NEB: variants seen among roughly 807,000 people sequenced by gnomAD.
NEB encodes the protein nemaline myopathy type 2.
A neutral mutation model predicts 952.2 loss-of-function variants in NEB; 512 were observed. The ratio of observed to expected loss-of-function variants is 0.54; its 90% CI spans 0.50 to 0.58. The LOEUF (loss-of-function observed/expected upper bound fraction) is 0.58. NEB is among the 20% of genes least tolerant of loss of function. The pLI is 0.00. For synonymous variants in NEB, 2,900 were observed against 3,149.8 expected, an observed-to-expected ratio of 0.92 and a Z score of 2.66; for missense variants, 8,428 against 9,231.1, an observed-to-expected ratio of 0.91 and a Z score of 3.56.
chr2:151,692,977 AAAG>A (rs1346391040), intron 20 of NEB, among the ~76,000 whole-genome samples: 1 of 152,170 alleles, frequency 6.6e-6, no homozygotes, highest in Non-Finnish European at 1.5e-5. Flanking sequence ...CTCAAAAAAC[AAAG>A]AAGGAAAGAA....
chr2:151,688,336 G>A lies in NEB; in HGVS notation c.2371C>T (p.Pro791Ser), dbSNP rs1420416924. 1 of 1,613,770 alleles carries A rather than the reference G, an allele frequency of 6.2e-7. No homozygotes were observed. Among genetic ancestry groups the A allele is most frequent in the Non-Finnish European group, 8.5e-7 (1 of 1,179,830 alleles). ...TTGACTCTGTGTTGGATAAACTGTGGAGCATCTGCTGGTATATGGCACTTG... is the reference window on the plus strand; with the variant it reads ...TTGACTCTGTGTTGGATAAACTGTGAAGCATCTGCTGGTATATGGCACTTG... Reference protein sequence around the residue: ...KFKCHIPADAPQFIQHRVNAY... With the variant: ...KFKCHIPADASQFIQHRVNAY... Residue 791 changes from proline (P) to serine (S), a missense_variant, in exon 25 of 182, where the codon CCA (proline) becomes TCA (serine). By Grantham distance (74) the Pro-to-Ser change is moderately conservative (BLOSUM62 -1). Coordinates refer to ENST00000397345, the MANE Select transcript of NEB (RefSeq NM_001164508.2).
chr2:151,571,505 C>G (rs549778793), intron 107 of NEB, among the ~76,000 whole-genome samples: 1 of 151,832 alleles, frequency 6.6e-6, no homozygotes, highest in East Asian at 1.9e-4. Flanking sequence ...AGTTTTGTAA[C>G]CTTCAGAATT....
chr2:151,640,444 C>A lies in NEB; in HGVS notation c.8596G>T (p.Asp2866Tyr). Residue 2866 changes from aspartate to tyrosine, a missense_variant, in exon 61 of 182, where the codon GAC becomes TAC. Coordinates refer to ENST00000397345, the MANE Select transcript of NEB (RefSeq NM_001164508.2). ...CACTGGTGCAGGTAGTTCTTGTAGTCCACATCGCTGACTAAGGTCTGGCAC... is the reference window on the plus strand; with the variant it reads ...CACTGGTGCAGGTAGTTCTTGTAGTACACATCGCTGACTAAGGTCTGGCAC... The part of the protein sequence containing the change: ...KKCQTLVSDV[D>Y]YKNYLHQWTC... 1.2e-6 allele frequency: 2 copies of A among 1,613,958 alleles called. No individual in the cohort carries two copies. The highest frequency in any genetic ancestry group is 1.7e-6 in the Non-Finnish European group (2 of 1,179,874).
rs1328112461 is a variant in NEB at position 151,512,846 on chromosome 2, C to T, written c.23242-9G>A. 17 of 1,580,316 alleles carry T rather than the reference C, an allele frequency of 1.1e-5. No individual in the cohort carries two copies. Among genetic ancestry groups the T allele is most frequent in the Non-Finnish European group, 1.5e-5 (17 of 1,151,062 alleles). ...GATTGCTTATACTTAATCTGTAAAACAACACCGAATAGTTGGGTAAATGTT... is the reference window on the plus strand; with the variant it reads ...GATTGCTTATACTTAATCTGTAAAATAACACCGAATAGTTGGGTAAATGTT... On this transcript the variant is annotated splice_polypyrimidine_tract_variant and intron_variant, in intron 160 of 181. Transcript: ENST00000397345.
At position 151,654,084 on chromosome 2, in the gene NEB, C is replaced by T. The variant is rs1294124321; in HGVS notation, c.6823G>A (p.Gly2275Arg). ...TLYSQKLYKL[G>R]WEEALKKGYD... is the part of the protein sequence containing the mutation. ...CCTTTCTTCAAAGCTTCTTCCCATC[C>T]AAGTTTATAGAGTTTCTGAAAATTA... The change falls in exon 52 of 182, where the codon GGA becomes AGA. Residue 2275 changes from glycine (G) to arginine (R), a missense_variant. This residue lies in a region of NEB where 2,851 missense variants were observed against 2,791.5 expected (regional missense o/e 1.02). Transcript: ENST00000397345. The T allele has an allele frequency of 3.1e-6, 5 of 1,605,136 alleles. No individual in the cohort carries two copies. Among genetic ancestry groups the T allele is most frequent in the Non-Finnish European group, 3.4e-6 (4 of 1,175,324 alleles).
Position 151,490,046 on chromosome 2 carries a change from T to C in NEB, c.25329A>G (p.Pro8443=). The C allele has an allele frequency of 1.9e-6, 3 of 1,612,776 alleles. No homozygotes were observed. The highest frequency in any genetic ancestry group is 2.5e-6 in the Non-Finnish European group (3 of 1,179,464). Residue 8443 remains proline, a synonymous_variant, in exon 181 of 182, where the codon CCA becomes CCG. Coordinates refer to ENST00000397345, the MANE Select transcript of NEB (RefSeq NM_001164508.2). ...AYKHAKTTEL[P]QQRSSSVATQ... is the part of the protein sequence containing the mutation. ...TAGCAACTGAAGATGATCGTTGTTGTGGGAGCTCTGTGGTTTTTGCATGTT... is the reference window on the plus strand; with the variant it reads ...TAGCAACTGAAGATGATCGTTGTTGCGGGAGCTCTGTGGTTTTTGCATGTT...
At chr2:151,728,718 A>G (rs1386079406) in intron 4 of NEB, among the ~76,000 whole-genome samples, 2 of 152,082 alleles carry the variant, frequency 1.3e-5, no homozygotes, top group Non-Finnish European at 2.9e-5. Flanking sequence ...TAAGCAGCCA[A>G]CTCTTCAATC....
intron 66 of NEB, 137 bp from the exon 67 acceptor site, chr2:151,630,956 A>T: frequency 8.8e-7 from 1 of 1,139,236 alleles, no homozygotes; most frequent in Non-Finnish European, 1.2e-6. Flanking sequence ...TGGAAGTGTG[A>T]GTCTTATTAC....
At chr2:151,572,490 T>TTA (rs1189891258) in intron 107 of NEB, among the ~76,000 whole-genome samples, 1 of 146,472 alleles carries the variant, frequency 6.8e-6, no homozygotes, top group Non-Finnish European at 1.5e-5. Context: ...TATTGAATAT[T>TTA]TATATATATT....
At chr2:151,517,101 T>G (rs1212846946) in intron 156 of NEB, among the ~76,000 whole-genome samples, 1 of 152,098 alleles carries the variant, frequency 6.6e-6, no homozygotes, top group South Asian at 2.1e-4. Context: ...AGCCAATAAA[T>G]TGGTATAAAA....
Position 151,677,910 on chromosome 2 carries a change from T to G in NEB, c.3533A>C (p.Glu1178Ala). The G allele has an allele frequency of 6.2e-7, 1 of 1,613,320 alleles. No homozygotes were observed. The highest frequency in any genetic ancestry group is 8.5e-7 in the Non-Finnish European group (1 of 1,179,470). Residue 1178 changes from glutamate (E) to alanine (A), a missense_variant, in exon 33 of 182, where the codon GAG becomes GCG. Glu to Ala is a moderately radical substitution (Grantham distance 107). This residue lies in a region of NEB where 2,851 missense variants were observed against 2,791.5 expected (regional missense o/e 1.02). Transcript: ENST00000397345. ...YTYLPDAMDL[E>A]LSKNMMQIQS... The stretch of plus-strand genomic sequence containing the variant: ...TATCTGCATCATGTTCTTAGACAGC[T>G]CCAGGTCCATGGCGTCAGGCAAGTA...
chr2:151,551,834 G>C lies in NEB; in HGVS notation c.19848C>G (p.His6616Gln), dbSNP rs910831381. ...SGKQLSDAVY[H>Q]YDYVHSVRGK... is the part of the protein sequence containing the mutation. Reference sequence around the variant, plus strand: ...CTCTGACACTGTGCACATAGTCATAGTGGTAGACAGCCTGGTGCAGAAAGA... The same window carrying C: ...CTCTGACACTGTGCACATAGTCATACTGGTAGACAGCCTGGTGCAGAAAGA... Residue 6616 changes from histidine (H) to glutamine (Q), a missense_variant, in exon 129 of 182, where the codon CAC becomes CAG. His to Gln is a conservative substitution (Grantham distance 24). Coordinates refer to ENST00000397345, the MANE Select transcript of NEB (RefSeq NM_001164508.2). 1.2e-6 allele frequency: 2 copies of C among 1,611,340 alleles called. No homozygotes were observed. Among genetic ancestry groups the C allele is most frequent in the African/African-American group, 1.3e-5 (1 of 74,850 alleles).
At chr2:151,689,267 C>T (rs1326987623) in intron 24 of NEB, 2 of 126,080 alleles carry the variant, frequency 1.6e-5, no homozygotes, top group Non-Finnish European at 3.1e-5. Flanking sequence ...TACAGTGACA[C>T]AATCTCGGCT....
chr2:151,563,011 C>CTTTTTTT (rs397868741), intron 119 of NEB, among the ~76,000 whole-genome samples: 2 of 93,340 alleles, frequency 2.1e-5, no homozygotes, highest in Non-Finnish European at 4.2e-5. Context: ...AATTTCCCAT[C>CTTTTTTT]TTTTTTTTTT....
At chr2:151,575,610 T>C (rs2096800359) in intron 107 of NEB, 85 bp downstream of exon 107, 2 of 963,186 alleles carry the variant, frequency 2.1e-6, no homozygotes, top group African/African-American at 3.3e-5. Flanking sequence ...AGGGACCGAG[T>C]CCATCTTCCC....
At chr2:151,505,384 G>C in intron 165 of NEB, 94 bp downstream of exon 165, 1 of 1,071,308 alleles carries the variant, frequency 9.3e-7, no homozygotes, top group South Asian at 1.4e-5. Context: ...AGGCATGGAA[G>C]CTCTTGATAG....
intron 39 of NEB, among the ~76,000 whole-genome samples, chr2:151,668,181 G>A (rs2099243686): frequency 6.6e-6 from 1 of 152,060 alleles, no homozygotes; most frequent in Non-Finnish European, 1.5e-5. Flanking sequence ...TTGACTGTTG[G>A]ATAACAGAAG....
At chr2:151,539,092 A>G (rs537819135) in intron 138 of NEB, among the ~76,000 whole-genome samples, 1 of 152,318 alleles carries the variant, frequency 6.6e-6, no homozygotes, top group South Asian at 2.1e-4. Context: ...TGTAAAGATT[A>G]GAGTTATCAG....
intron 56 of NEB, 101 bp downstream of exon 56, chr2:151,644,367 T>C: frequency 8.3e-7 from 1 of 1,205,490 alleles, no homozygotes; most frequent in Non-Finnish European, 1.2e-6. Context: ...TCCACTGTAA[T>C]TTGTTACCCC....
Sources: allele counts gnomAD v4.1 joint callset (sites outside exome capture counted in the v4.1 genomes callset), GRCh38; gene constraint gnomAD v4.1.1; regional missense constraint gnomAD v4.1.1; transcripts MANE v1.5; gene names NCBI Gene and HGNC (gene_info 2026-07-23, HGNC 2026-07-21).